Variants in CYP2C19 observed in about 807,000 individuals in gnomAD.
The protein encoded by CYP2C19 is cytochrome P450 family 2 subfamily C member 19.
Under a neutral mutation model 40.9 loss-of-function variants are expected in CYP2C19, and 59 were observed. The observed-to-expected ratio is 1.44, with a 90% confidence interval of 1.17 to 1.79. CYP2C19 has a LOEUF of 1.79. CYP2C19 is among the 40% of genes most tolerant of loss of function. The pLI is 0.00. For synonymous variants in CYP2C19, 253 were observed against 208.7 expected (o/e 1.21, Z -1.83); for missense variants, 754 against 596.9 (o/e 1.26, Z -2.74).
At chr10:94,780,321 G>A (rs1448950427) in intron 3 of CYP2C19, among the ~76,000 whole-genome samples, 178 bp from the exon 4 acceptor site, 2 of 152,106 alleles carry the variant, frequency 1.3e-5, no homozygotes, top group Admixed American at 6.5e-5. Context: ...TTGTTAATTC[G>A]AGATTAATGT....
intron 8 of CYP2C19, among the ~76,000 whole-genome samples, 157 bp downstream of exon 8, chr10:94,850,215 A>C (rs985179265): frequency 6.6e-6 from 1 of 152,134 alleles, no homozygotes; most frequent in Non-Finnish European, 1.5e-5. Flanking sequence ...CTGGTGATAC[A>C]TCCTCATTAT....
At chr10:94,849,429 GA>G (rs56881482) in intron 7 of CYP2C19, among the ~76,000 whole-genome samples, 29,440 of 149,092 alleles carry the variant, frequency 0.2, 3,229 homozygotes, top group South Asian at 0.33. Flanking sequence ...AGTACAAAGA[GA>G]AAAAAAAAGA....
chr10:94,814,507 G>C (rs1205931223), intron 5 of CYP2C19, among the ~76,000 whole-genome samples: 2 of 150,730 alleles, frequency 1.3e-5, no homozygotes, highest in African/African-American at 4.9e-5. Context: ...ACGAAGAGTG[G>C]GTAACTCAGT....
At position 94,775,494 on chromosome 10, in the gene CYP2C19, C is replaced by G. The variant is rs1848395899; in HGVS notation, c.436C>G (p.Gln146Glu). The G allele has an allele frequency of 2.5e-6, 4 of 1,613,890 alleles. No homozygotes were observed. Among genetic ancestry groups the G allele is most frequent in the African/African-American group, 1.3e-5 (1 of 74,898 alleles). The change falls in exon 3 of 9, where the codon CAA becomes GAA. Residue 146 changes from glutamine (Q) to glutamate (E), a missense_variant. By Grantham distance (29) the Gln-to-Glu change is conservative. Transcript: ENST00000371321. ...GAAGAGGAGCATTGAGGACCGTGTT[C>G]AAGAGGAAGCCCGCTGCCTTGTGGA... ...MGKRSIEDRVQEEARCLVEEL... is the reference protein window; with the variant it reads ...MGKRSIEDRVEEEARCLVEEL...
chr10:94,820,760 T>A, intron 6 of CYP2C19, 123 bp downstream of exon 6: 2 of 1,220,730 alleles, frequency 1.6e-6, no homozygotes, highest in Non-Finnish European at 2.3e-6. Flanking sequence ...CCCGCAGCTG[T>A]AATCTGTCCC....
At chr10:94,816,199 C>A (rs1024816978) in intron 5 of CYP2C19, among the ~76,000 whole-genome samples, 1 of 150,586 alleles carries the variant, frequency 6.6e-6, no homozygotes, top group Non-Finnish European at 1.5e-5. Context: ...AAGTTTGGGC[C>A]AGTTGGTCTA....
At chr10:94,785,787 C>T (rs1228224297) in intron 5 of CYP2C19, among the ~76,000 whole-genome samples, 1 of 152,078 alleles carries the variant, frequency 6.6e-6, no homozygotes, top group Non-Finnish European at 1.5e-5. Context: ...TAGGAAAGAA[C>T]TACCTGTGAC....
chr10:94,824,954 A>G (rs1424406842), intron 6 of CYP2C19, among the ~76,000 whole-genome samples: 1 of 145,844 alleles, frequency 6.9e-6, no homozygotes, highest in South Asian at 2.2e-4. Context: ...ATGATTTCCA[A>G]TTTCATCCAT....
intron 6 of CYP2C19, among the ~76,000 whole-genome samples, chr10:94,834,659 G>T (rs1459086226): frequency 1.3e-5 from 2 of 151,766 alleles, no homozygotes; most frequent in Non-Finnish European, 2.9e-5. Flanking sequence ...TCAAATGCCT[G>T]GGTTTATATC....
chr10:94,805,603 G>A (rs1055606410), intron 5 of CYP2C19, among the ~76,000 whole-genome samples: 1 of 151,990 alleles, frequency 6.6e-6, no homozygotes, highest in Non-Finnish European at 1.5e-5. Context: ...GTAACTCTTG[G>A]CCGGGCATTG....
chr10:94,793,409 C>T (rs919679230), intron 5 of CYP2C19, among the ~76,000 whole-genome samples: 2 of 152,190 alleles, frequency 1.3e-5, no homozygotes, highest in Non-Finnish European at 2.9e-5. Context: ...TGGCAAGGAG[C>T]TGCTTCCTTT....
intron 5 of CYP2C19, among the ~76,000 whole-genome samples, chr10:94,797,732 T>G (rs1285598098): frequency 3.9e-5 from 6 of 152,156 alleles, no homozygotes; most frequent in Non-Finnish European, 5.9e-5. Context: ...GGTGTATTTG[T>G]TCAGGAATTT....
intron 8 of CYP2C19, among the ~76,000 whole-genome samples, chr10:94,851,439 C>G (rs554658123): frequency 7.9e-6 from 1 of 125,878 alleles, no homozygotes; most frequent in East Asian, 2.3e-4. Flanking sequence ...AGCATACCAG[C>G]ACACAAATAA....
At chr10:94,794,957 AT>A (rs1323630832) in intron 5 of CYP2C19, among the ~76,000 whole-genome samples, 5 of 151,924 alleles carry the variant, frequency 3.3e-5, no homozygotes, top group Admixed American at 1.3e-4. Context: ...AATAGGAGTG[AT>A]GAGAGAGGGC....
At chr10:94,822,782 G>T (rs1179350245) in intron 6 of CYP2C19, among the ~76,000 whole-genome samples, 5 of 152,110 alleles carry the variant, frequency 3.3e-5, no homozygotes, top group Non-Finnish European at 5.9e-5. Context: ...TGACTGGTGT[G>T]AGATGGTACC....
chr10:94,842,263 A>G (rs1022213971), intron 6 of CYP2C19, among the ~76,000 whole-genome samples: 1 of 152,052 alleles, frequency 6.6e-6, no homozygotes, highest in African/African-American at 2.4e-5. Flanking sequence ...CTCTTCTTAC[A>G]GTTTTCGTCT....
chr10:94,821,919 T>C (rs1849128619), intron 6 of CYP2C19, among the ~76,000 whole-genome samples: 1 of 152,080 alleles, frequency 6.6e-6, no homozygotes, highest in Non-Finnish European at 1.5e-5. Context: ...CAACAGATGG[T>C]TCTCCAACCC....
chr10:94,806,053 A>G (rs2052702379), intron 5 of CYP2C19, among the ~76,000 whole-genome samples: 1 of 149,970 alleles, frequency 6.7e-6, no homozygotes, highest in East Asian at 2.0e-4. Flanking sequence ...ATAACTGTAC[A>G]TTTCTCCTTT....
chr10:94,765,561 T>A (rs1848228888), intron 1 of CYP2C19, among the ~76,000 whole-genome samples: 1 of 152,004 alleles, frequency 6.6e-6, no homozygotes, highest in African/African-American at 2.4e-5. Context: ...TATTTTCCCA[T>A]TGGAGAAAAA....
Sources: allele counts gnomAD v4.1 joint callset (sites outside exome capture counted in the v4.1 genomes callset), GRCh38; gene constraint gnomAD v4.1.1; transcripts MANE v1.5; gene names NCBI Gene and HGNC (gene_info 2026-07-23, HGNC 2026-07-21).